BRD9: variants seen among roughly 807,000 people sequenced by gnomAD.
BRD9 encodes the protein bromodomain containing 9, also known as bromodomain-containing protein 9.
In BRD9, 47 loss-of-function variants were observed where a neutral mutation model predicts 68.7. The observed-to-expected ratio is 0.68, with a 90% CI of 0.54 to 0.87. The LOEUF (loss-of-function observed/expected upper bound fraction) is 0.87, where lower values mean the gene tolerates loss of function less well. Among genes scored for constraint, BRD9 ranks in the 40% least tolerant of loss-of-function variants. The pLI, the probability that BRD9 is intolerant of heterozygous loss-of-function variation, is 0.00. For missense variants in BRD9, 670 were observed against 748.4 expected, an observed-to-expected ratio of 0.90 and a Z score of 1.22; for synonymous variants, 313 against 293.9, an observed-to-expected ratio of 1.06 and a Z score of -0.67.
Position 870,579 on chromosome 5 carries a change from T to G in BRD9, c.1423-4A>C. 1 of 1,604,668 alleles carries G rather than the reference T, an allele frequency of 6.2e-7. No homozygotes were observed. The highest frequency in any genetic ancestry group is 8.5e-7 in the Non-Finnish European group (1 of 1,172,124). ...TGTCTCCTAGGGTGTCCCCAACCTG[T>G]GGAGACAGACACACATCAAGAGCAA... is the stretch of plus-strand genomic sequence containing the variant. On this transcript the variant is annotated splice_region_variant and splice_polypyrimidine_tract_variant and intron_variant, in intron 13 of 15. Transcript: ENST00000467963.
chr5:883,911 CCT>C, intron 8 of BRD9, 25 bp downstream of exon 8: 2 of 1,603,218 alleles, frequency 1.2e-6, no homozygotes, highest in South Asian at 1.1e-5. Context: ...CACGTGGCAC[CCT>C]CTCTCGGTGG....
Position 864,022 on chromosome 5 carries a change from G to T in BRD9, c.*446C>A, listed in dbSNP as rs750427155. Reference sequence around the variant, plus strand: ...CCAGGACAGTGGGGCAGACAGAGGTGTCTACACTGGCAGAAACAAGGGCTG... The same window carrying T: ...CCAGGACAGTGGGGCAGACAGAGGTTTCTACACTGGCAGAAACAAGGGCTG... On this transcript the variant is annotated 3_prime_UTR_variant, in exon 16 of 16. Coordinates refer to ENST00000467963, the MANE Select transcript of BRD9 (RefSeq NM_023924.5). The T allele has an allele frequency of 7.8e-4, 125 of 159,484 alleles. No homozygotes were observed. The highest frequency in any genetic ancestry group is 1.4e-3 in the Non-Finnish European group (104 of 72,034). 9.9% of individuals were successfully genotyped at this position (159,484 alleles called of 1,614,324 possible). A position where few individuals can be genotyped will look rare whatever the true frequency, so the allele number is the denominator to read the frequency against.
chr5:889,679 A>T, intron 3 of BRD9, 32 bp from the exon 4 acceptor site: 1 of 1,608,160 alleles, frequency 6.2e-7, no homozygotes, highest in Non-Finnish European at 8.5e-7. Context: ...AATTGAATAC[A>T]AGACTTTGGT....
At chr5:887,855 G>C (rs925456438) in intron 5 of BRD9, among the ~76,000 whole-genome samples, 1 of 152,204 alleles carries the variant, frequency 6.6e-6, no homozygotes, top group African/African-American at 2.4e-5. Context: ...CACAGTGATA[G>C]CCTCTATCTC....
At chr5:864,658 TACCGC>T in intron 15 of BRD9, 90 bp from the exon 16 acceptor site, 2 of 1,158,054 alleles carry the variant, frequency 1.7e-6, no homozygotes, top group Non-Finnish European at 2.5e-6. Flanking sequence ...CTTCCTGACC[TACCGC>T]CAGGGCTCAG....
chr5:880,584 A>G (rs1268417630), intron 9 of BRD9, among the ~76,000 whole-genome samples: 3 of 152,136 alleles, frequency 2.0e-5, no homozygotes, highest in African/African-American at 7.2e-5. Context: ...GTGCGTTTCA[A>G]ACCCAAGTGA....
intron 5 of BRD9, among the ~76,000 whole-genome samples, chr5:888,774 G>GT (rs1432945217): frequency 6.6e-6 from 1 of 152,248 alleles, no homozygotes; most frequent in Non-Finnish European, 1.5e-5. Context: ...CGCCAGCGCA[G>GT]TAACTTAGAA....
At chr5:883,322 G>A (rs762427429) in intron 8 of BRD9, 1 of 456,660 alleles carries the variant, frequency 2.2e-6, no homozygotes, top group Non-Finnish European at 4.4e-6. Context: ...ATATAGAGGT[G>A]AAATGAAACC....
chr5:892,206 C>A lies in BRD9; in HGVS notation c.53-352G>T, dbSNP rs574461920. On this transcript the variant is annotated intron_variant, in intron 1 of 15. Coordinates refer to ENST00000467963, the MANE Select transcript of BRD9 (RefSeq NM_023924.5). ...CCCCAGCACTTCGGTTCACCCTCGC[C>A]TGACTTCCTGCAGGCGCCCGTGCTG... The A allele has an allele frequency of 2.9e-4, 128 of 434,438 alleles. 2 individuals carry two copies. Among genetic ancestry groups the A allele is most frequent in the South Asian group, 2.4e-3 (85 of 36,112 alleles). The allele number at this position is 434,438 out of a possible 1,614,324, so 26.9% of individuals were successfully genotyped here.
At chr5:865,849 T>C (rs1405607994) in intron 14 of BRD9, 1 of 369,104 alleles carries the variant, frequency 2.7e-6, no homozygotes, top group African/African-American at 2.1e-5. Flanking sequence ...GACCACGTCA[T>C]GGCACGCACA....
chr5:871,384 A>T, intron 13 of BRD9, 142 bp downstream of exon 13: 1 of 754,430 alleles, frequency 1.3e-6, no homozygotes, highest in South Asian at 1.6e-5. Flanking sequence ...AGAGGAGGAG[A>T]AACACTATTG....
At chr5:884,851 C>T (rs528309116) in intron 7 of BRD9, among the ~76,000 whole-genome samples, 12 of 152,384 alleles carry the variant, frequency 7.9e-5, no homozygotes, top group Non-Finnish European at 7.3e-5. Context: ...CAGGCACCTG[C>T]GTGAGCCCAT....
In BRD9 at chr5:868,286, A is replaced by G. The variant is rs137912746; in HGVS notation, c.1525+2187T>C. On this transcript the variant is annotated intron_variant, in intron 14 of 15. Coordinates refer to ENST00000467963, the MANE Select transcript of BRD9 (RefSeq NM_023924.5). ...ATTAAACCTCTTTCCTTCACCAATG[A>G]CCAGTCTCAGGTGGTTCTTTATAAC... 2.2e-3 allele frequency among the ~76,000 whole-genome samples: 334 copies of G among 152,310 alleles called. 1 individual carries two copies. Among genetic ancestry groups the G allele is most frequent in the African/African-American group, 7.7e-3 (322 of 41,566 alleles).
In BRD9 at chr5:870,496, T is replaced by G. The variant is rs372872140; in HGVS notation, c.1502A>C (p.Asp501Ala). 1.7e-5 allele frequency: 28 copies of G among 1,613,910 alleles called. No homozygotes were observed. The highest frequency in any genetic ancestry group is 2.4e-5 in the Non-Finnish European group (28 of 1,179,942). ...ACCCAGAGAGCTGAGCATGGAGATA[T>G]CCACAGAAACGTCGGGATAGGACTT... Reference protein sequence around the residue: ...SMKSYPDVSVDISMLSSLGKV... With the variant: ...SMKSYPDVSVAISMLSSLGKV... Residue 501 changes from aspartate (D) to alanine (A), a missense_variant, in exon 14 of 16, where the codon GAT (aspartate) becomes GCT (alanine). Around this residue, in one of 5 missense-constraint regions of BRD9, gnomAD observed 280 missense variants for 281.5 expected, o/e 0.99. Transcript: ENST00000467963.
chr5:866,894 A>T (rs1749455777), intron 14 of BRD9, among the ~76,000 whole-genome samples: 1 of 152,258 alleles, frequency 6.6e-6, no homozygotes, highest in South Asian at 2.1e-4. Context: ...GCCATGTGGT[A>T]GAAAAGAAAA....
intron 8 of BRD9, chr5:881,763 C>T (rs555040719): frequency 1.0e-4 from 16 of 155,600 alleles, no homozygotes; most frequent in Admixed American, 8.1e-4. Flanking sequence ...TGAGAAGAGC[C>T]GGACGTTTGT....
chr5:891,274 C>G lies in BRD9; in HGVS notation c.281G>C (p.Arg94Pro). The change falls in exon 3 of 16, where the codon CGG (arginine) becomes CCG (proline). Residue 94 changes from arginine to proline, a missense_variant. Physicochemically the swap from Arg to Pro is moderately radical, Grantham distance 103. This residue lies in a region of BRD9 where 161 missense variants were observed against 148.1 expected (regional missense o/e 1.09). Coordinates refer to ENST00000467963, the MANE Select transcript of BRD9 (RefSeq NM_023924.5). Reference protein sequence around the residue: ...ERRKRKEEKKRKREREHCDTE... With the variant: ...ERRKRKEEKKPKREREHCDTE... ...GTCACAGTGCTCCCTCTCTCGCTTC[C>G]GCTTCTTCTCTTCCTGGGCGGCAGA... The G allele has an allele frequency of 1.3e-6, 2 of 1,551,462 alleles. No homozygotes were observed. Among genetic ancestry groups the G allele is most frequent in the East Asian group, 2.4e-5 (1 of 40,898 alleles).
chr5:881,261 G>C, intron 8 of BRD9, 79 bp from the exon 9 acceptor site: 1 of 1,329,974 alleles, frequency 7.5e-7, no homozygotes, highest in Non-Finnish European at 1.1e-6. Flanking sequence ...CAACAAGCAG[G>C]GCTTAATGGG....
In BRD9 at chr5:871,551, G is replaced by A; in HGVS notation, c.1397C>T (p.Pro466Leu). 1.2e-6 allele frequency: 2 copies of A among 1,614,120 alleles called. No individual in the cohort carries two copies. Among genetic ancestry groups the A allele is most frequent in the Non-Finnish European group, 1.7e-6 (2 of 1,179,968 alleles). ...LFQLKQRRNV[P>L]MKPPDEAKVG... Reference sequence around the variant, plus strand: ...CTTGGCTTCATCTGGAGGCTTCATGGGAACATTTCTTCTCTGAAAAGTAAA... The same window carrying A: ...CTTGGCTTCATCTGGAGGCTTCATGAGAACATTTCTTCTCTGAAAAGTAAA... The change falls in exon 13 of 16, where the codon CCC becomes CTC. Residue 466 changes from proline to leucine, a missense_variant. By Grantham distance (98) the Pro-to-Leu change is moderately conservative. Transcript: ENST00000467963.
Sources: gnomAD v4.1 joint callset for allele counts (sites outside exome capture counted in the v4.1 genomes callset) on GRCh38, gnomAD v4.1.1 for gene constraint, gnomAD v4.1.1 regional missense constraint, MANE v1.5 for transcripts, NCBI Gene and HGNC (gene_info 2026-07-23, HGNC 2026-07-21) for gene names.